DGKH: variants seen among roughly 807,000 people sequenced by gnomAD.
DGKH encodes the protein diacylglycerol kinase eta.
In DGKH, 90 loss-of-function variants were observed where a neutral mutation model predicts 159.3. That is an observed-to-expected ratio of 0.57 (90% CI 0.48 to 0.67). The LOEUF (loss-of-function observed/expected upper bound fraction) is 0.67. Ranked by LOEUF, DGKH falls within the 30% of genes least tolerant of loss-of-function variation. The pLI is 0.00. For missense variants in DGKH, 1,181 were observed against 1,506.1 expected (o/e 0.78, Z 3.57); for synonymous variants, 536 against 553.8 (o/e 0.97, Z 0.45).
At chr13:42,073,937 A>G (rs1409330266) in intron 1 of DGKH, among the ~76,000 whole-genome samples, 1 of 152,162 alleles carries the variant, frequency 6.6e-6, no homozygotes, top group African/African-American at 2.4e-5. Flanking sequence ...TGGCTTTGGC[A>G]TTTCCTCCTA....
At chr13:42,184,133 C>CTAGAGACAAAGAT (rs1956846001) in intron 13 of DGKH, among the ~76,000 whole-genome samples, 1 of 152,142 alleles carries the variant, frequency 6.6e-6, no homozygotes, top group South Asian at 2.1e-4. Context: ...AGCACAAAGA[C>CTAGAGACAAAGAT]AGCTAGAGAC....
intron 1 of DGKH, among the ~76,000 whole-genome samples, chr13:42,121,427 C>T (rs1480860683): frequency 6.6e-6 from 1 of 152,182 alleles, no homozygotes; most frequent in African/African-American, 2.4e-5. Context: ...ATATTTTCAA[C>T]TTATGATGAG....
intron 1 of DGKH, among the ~76,000 whole-genome samples, chr13:42,106,216 C>G (rs1566104352): frequency 6.6e-6 from 1 of 152,226 alleles, no homozygotes; most frequent in East Asian, 1.9e-4. Flanking sequence ...CAATGTTGGC[C>G]AGGCTGGTCT....
chr13:42,092,582 T>C (rs895911611), intron 1 of DGKH, among the ~76,000 whole-genome samples: 3 of 152,118 alleles, frequency 2.0e-5, no homozygotes, highest in African/African-American at 7.2e-5. Context: ...TGGTGGTTAC[T>C]AGAGGCTGGG....
intron 1 of DGKH, among the ~76,000 whole-genome samples, chr13:42,053,548 CTATA>C (rs1304130769): frequency 2.0e-4 from 20 of 97,876 alleles, no homozygotes; most frequent in Non-Finnish European, 3.9e-4. Context: ...ATATATATAA[CTATA>C]TATGTATATA....
At position 42,212,009 on chromosome 13, in the gene DGKH, G is replaced by A. The variant is rs556994884; in HGVS notation, c.3014+1244G>A. Among the ~76,000 whole-genome samples, 9 of 152,236 alleles carry A rather than the reference G, an allele frequency of 5.9e-5. No individual in the cohort carries two copies. In the East Asian group the frequency reaches 1.5e-3, roughly 26 times the overall value. On this transcript the variant is annotated intron_variant, in intron 24 of 29. Transcript: ENST00000337343. Reference sequence around the variant, plus strand: ...GATTTGGGTGGGGACACAGCCAAACGATATGACACATCATGTCTGGCATAT... The same window carrying A: ...GATTTGGGTGGGGACACAGCCAAACAATATGACACATCATGTCTGGCATAT...
chr13:42,054,719 T>G (rs1881624710), intron 1 of DGKH, among the ~76,000 whole-genome samples: 1 of 152,190 alleles, frequency 6.6e-6, no homozygotes, highest in Non-Finnish European at 1.5e-5. Context: ...ACTTGAAAAT[T>G]GCTAAGAGTA....
intron 3 of DGKH, among the ~76,000 whole-genome samples, chr13:42,146,671 T>A (rs1955742069): frequency 6.6e-6 from 1 of 152,184 alleles, no homozygotes; most frequent in South Asian, 2.1e-4. Context: ...CAGTGTGAAT[T>A]GTAAGATGTT....
downstream of DGKH, among the ~76,000 whole-genome samples, chr13:42,243,272 AT>A (rs970016379): frequency 5.3e-5 from 8 of 152,008 alleles, no homozygotes; most frequent in South Asian, 2.1e-4. Context: ...ACAGTATGCG[AT>A]TTTTTTTCAC....
At chr13:42,202,511 G>T (rs1354408180) in intron 20 of DGKH, among the ~76,000 whole-genome samples, 1 of 152,160 alleles carries the variant, frequency 6.6e-6, no homozygotes, top group Non-Finnish European at 1.5e-5. Flanking sequence ...GCAGAACAAA[G>T]ACTTTGACCT....
chr13:42,083,494 A>G (rs1954247117), intron 1 of DGKH, among the ~76,000 whole-genome samples: 1 of 152,248 alleles, frequency 6.6e-6, no homozygotes, highest in African/African-American at 2.4e-5. Flanking sequence ...TTATTTTACT[A>G]TTTGGTAATG....
chr13:42,092,605 G>A (rs1954441658), intron 1 of DGKH, among the ~76,000 whole-genome samples: 1 of 152,176 alleles, frequency 6.6e-6, no homozygotes, highest in African/African-American at 2.4e-5. Flanking sequence ...GGGAAACGGG[G>A]AGGGAGAGGA....
intron 11 of DGKH, among the ~76,000 whole-genome samples, chr13:42,172,998 G>C (rs1956502930): frequency 1.4e-5 from 2 of 142,144 alleles, no homozygotes; most frequent in Admixed American, 1.4e-4. Context: ...TTGAGACAGG[G>C]TCTGGCTCTG....
intron 1 of DGKH, among the ~76,000 whole-genome samples, chr13:42,056,864 T>C (rs1205929266): frequency 6.6e-6 from 1 of 152,204 alleles, no homozygotes; most frequent in African/African-American, 2.4e-5. Context: ...CTCTCCCTTA[T>C]TTCCCCCTTC....
intron 8 of DGKH, among the ~76,000 whole-genome samples, 174 bp downstream of exon 8, chr13:42,165,607 G>A (rs538643878): frequency 6.6e-6 from 1 of 152,150 alleles, no homozygotes; most frequent in South Asian, 2.1e-4. Context: ...ATATATTTAA[G>A]TGAAAGTTGT....
At chr13:42,210,387 C>CT (rs1282223051) in intron 23 of DGKH, among the ~76,000 whole-genome samples, 1 of 152,068 alleles carries the variant, frequency 6.6e-6, no homozygotes, top group African/African-American at 2.4e-5. Context: ...ACCTAAATCT[C>CT]TTTTTTAACT....
chr13:42,148,447 C>T lies in DGKH; in HGVS notation c.385-6844C>T, dbSNP rs142318573. On this transcript the variant is annotated intron_variant, in intron 3 of 29. Coordinates refer to ENST00000337343, the MANE Select transcript of DGKH (RefSeq NM_178009.5). ...CTATGGAATCCTTTTTTATCTCTGT[C>T]AGCTGCTGAAATCTTCATGGAGTGC... 1.5e-3 allele frequency among the ~76,000 whole-genome samples: 232 copies of T among 152,278 alleles called. 1 individual carries two copies. Among genetic ancestry groups the T allele is most frequent in the South Asian group, 6.4e-3 (31 of 4,830 alleles).
At chr13:42,151,478 G>GGTGTGTGTGTGTGT (rs143470293) in intron 3 of DGKH, among the ~76,000 whole-genome samples, 24 of 126,378 alleles carry the variant, frequency 1.9e-4, no homozygotes, top group African/African-American at 7.1e-4. Flanking sequence ...AGTATTCCAT[G>GGTGTGTGTGTGTGT]GTGTGTGTGT....
intron 1 of DGKH, chr13:42,069,698 A>T: frequency 8.7e-7 from 1 of 1,153,048 alleles, no homozygotes. Flanking sequence ...TCATAGTAAC[A>T]GTTAACTTCA....
Sources: allele counts gnomAD v4.1 joint callset (sites outside exome capture counted in the v4.1 genomes callset), GRCh38; gene constraint gnomAD v4.1.1; transcripts MANE v1.5; gene names NCBI Gene and HGNC (gene_info 2026-07-23, HGNC 2026-07-21).